The following NOVA2 variants were observed in gnomAD, a reference collection of about 807,000 sequenced individuals.
NOVA2 encodes NOVA alternative splicing regulator 2.
NOVA2 carries 9 observed loss-of-function variants against 22.5 expected under a neutral mutation model. The ratio of observed to expected loss-of-function variants is 0.40; its 90% CI spans 0.24 to 0.70. The LOEUF (loss-of-function observed/expected upper bound fraction) is 0.70. Ranked by LOEUF, NOVA2 falls within the 30% of genes least tolerant of loss-of-function variation. The pLI, the probability that NOVA2 is intolerant of heterozygous loss-of-function variation, is 0.38. For synonymous variants in NOVA2, 318 were observed against 335.2 expected, an observed-to-expected ratio of 0.95 and a Z score of 0.56; for missense variants, 383 against 682.8, an observed-to-expected ratio of 0.56 and a Z score of 4.89.
At chr19:45,955,996 G>A (rs145489883) in intron 2 of NOVA2, among the ~76,000 whole-genome samples, 7 of 152,348 alleles carry the variant, frequency 4.6e-5, no homozygotes, top group Non-Finnish European at 1.0e-4. Context: ...GCACGCTGGT[G>A]ACACGACCCT....
Position 45,938,734 on chromosome 19 carries a change from C to T in NOVA2, c.*1129G>A, listed in dbSNP as rs1967694930. ...GGATCCAAGTCCCGTGCCTTATTCT[C>T]TTCCTAGGAAGACCCCCAGGCCAAC... On this transcript the variant is annotated 3_prime_UTR_variant, in exon 4 of 4. Transcript: ENST00000263257. 1 of 152,152 alleles carries T rather than the reference C, an allele frequency of 6.6e-6. No individual in the cohort carries two copies. The highest frequency in any genetic ancestry group is 2.1e-4 in the South Asian group (1 of 4,830). 9.4% of individuals were successfully genotyped at this position (152,152 alleles called of 1,614,324 possible).
intron 1 of NOVA2, among the ~76,000 whole-genome samples, chr19:45,972,575 G>A (rs1463227351): frequency 6.6e-6 from 1 of 152,012 alleles, no homozygotes; most frequent in South Asian, 2.1e-4. Flanking sequence ...CAAACATGGA[G>A]CCCAGCCCCT....
chr19:45,966,022 A>G (rs1453361378), intron 1 of NOVA2, among the ~76,000 whole-genome samples: 1 of 152,060 alleles, frequency 6.6e-6, no homozygotes, highest in African/African-American at 2.4e-5. Flanking sequence ...AGCACCCTAT[A>G]CGTGGGGTTT....
In NOVA2 at chr19:45,950,394, C is replaced by T. The variant is rs192360893; in HGVS notation, c.396+3386G>A. ...CACGCTGGTCTCGAACTCCTGACCT[C>T]AGGTGATCCACCCACCTCGGCCTTT... On this transcript the variant is annotated intron_variant, in intron 3 of 3. Transcript: ENST00000263257. 3.2e-3 allele frequency among the ~76,000 whole-genome samples: 490 copies of T among 152,258 alleles called. 4 individuals carry two copies. Among genetic ancestry groups the T allele is most frequent in the African/African-American group, 0.011 (467 of 41,540 alleles).
intron 3 of NOVA2, among the ~76,000 whole-genome samples, chr19:45,951,413 T>C (rs747542110): frequency 1.6e-4 from 25 of 152,088 alleles, no homozygotes; most frequent in Non-Finnish European, 2.2e-4. Flanking sequence ...GGTCAGGAAT[T>C]CGAGACTGGC....
intron 2 of NOVA2, 69 bp from the exon 3 acceptor site, chr19:45,954,015 C>G: frequency 6.5e-7 from 1 of 1,539,514 alleles, no homozygotes; most frequent in East Asian, 2.3e-5. Context: ...GAGACAGGCC[C>G]CATTTAATGG....
intron 1 of NOVA2, among the ~76,000 whole-genome samples, chr19:45,972,616 G>A (rs1300467767): frequency 6.6e-6 from 1 of 151,950 alleles, no homozygotes; most frequent in African/African-American, 2.4e-5. Context: ...ACCCCCCTAT[G>A]CTGTCATATT....
intron 2 of NOVA2, among the ~76,000 whole-genome samples, chr19:45,955,805 C>A (rs1350372585): frequency 1.3e-5 from 2 of 151,958 alleles, no homozygotes; most frequent in Non-Finnish European, 2.9e-5. Context: ...TTGCAGTGAG[C>A]CGAGATCATG....
chr19:45,956,390 G>A (rs1327127556), intron 2 of NOVA2, among the ~76,000 whole-genome samples: 2 of 152,180 alleles, frequency 1.3e-5, no homozygotes, highest in Non-Finnish European at 2.9e-5. Flanking sequence ...GGGCTTTTGG[G>A]GAGGTTGGTT....
At chr19:45,949,839 C>G (rs752679554) in intron 3 of NOVA2, among the ~76,000 whole-genome samples, 46 of 149,446 alleles carry the variant, frequency 3.1e-4, no homozygotes, top group Non-Finnish European at 5.6e-4. Context: ...CTCTCAGGTT[C>G]AAGTGATTCT....
intron 1 of NOVA2, among the ~76,000 whole-genome samples, chr19:45,969,603 G>A (rs1352645310): frequency 3.3e-5 from 5 of 150,106 alleles, no homozygotes; most frequent in Non-Finnish European, 7.4e-5. Flanking sequence ...ATGTATGTAT[G>A]TCTGTATATG....
At position 45,940,989 on chromosome 19, in the gene NOVA2, A is replaced by T. The variant is rs570758005; in HGVS notation, c.397-44T>A. 3,849 of 1,509,496 alleles carry T rather than the reference A, an allele frequency of 2.5e-3. 24 individuals carry two copies. Among genetic ancestry groups the T allele is most frequent in the African/African-American group, 9.1e-3 (639 of 70,308 alleles). 93.5% of individuals were successfully genotyped at this position (1,509,496 alleles called of 1,614,324 possible). A position where few individuals can be genotyped will look rare whatever the true frequency, so the allele number is the denominator to read the frequency against. On this transcript the variant is annotated intron_variant, in intron 3 of 3. Coordinates refer to ENST00000263257, the MANE Select transcript of NOVA2 (RefSeq NM_002516.4). ...GGAGGGTCTTTAATTTTATTTTTTT[A>T]AAAAATTAAATTAAATTAGGCTGGG...
At chr19:45,965,445 A>G (rs6509245) in intron 1 of NOVA2, among the ~76,000 whole-genome samples, 119,436 of 152,186 alleles carry the variant, frequency 0.78, 47,129 homozygotes, top group East Asian at 0.86. Context: ...AGTGACGTTT[A>G]TGGTCGAGCG....
intron 1 of NOVA2, among the ~76,000 whole-genome samples, chr19:45,972,960 CCCT>C (rs1243596968): frequency 6.6e-6 from 1 of 151,970 alleles, no homozygotes; most frequent in African/African-American, 2.4e-5. Context: ...CATCACACAC[CCCT>C]CAAGGACACA....
In NOVA2 at chr19:45,935,500, T is replaced by C. The variant is rs1967642524; in HGVS notation, c.*4363A>G. 6.6e-6 allele frequency: 1 copy of C among 152,172 alleles called. No individual in the cohort carries two copies. The highest frequency in any genetic ancestry group is 2.4e-5 in the African/African-American group (1 of 41,422). 9.4% of individuals were successfully genotyped at this position (152,172 alleles called of 1,614,324 possible). On this transcript the variant is annotated 3_prime_UTR_variant, in exon 4 of 4. Coordinates refer to ENST00000263257, the MANE Select transcript of NOVA2 (RefSeq NM_002516.4). ...GGGTATCGCGATCCCGTTCTCCCCA[T>C]CGTGACATCCAGTCCAGGCTTTCAG...
chr19:45,947,505 G>A (rs554723483), intron 3 of NOVA2, among the ~76,000 whole-genome samples: 33 of 149,166 alleles, frequency 2.2e-4, no homozygotes, highest in African/African-American at 6.9e-4. Context: ...ACGGAGTTTC[G>A]CTCTTTTGCC....
rs1328573940 is a variant in NOVA2 at position 45,938,810 on chromosome 19, T to C, written c.*1053A>G. 6.6e-6 allele frequency: 1 copy of C among 152,228 alleles called. No homozygotes were observed. Among genetic ancestry groups the C allele is most frequent in the East Asian group, 1.9e-4 (1 of 5,194 alleles). 9.4% of individuals were successfully genotyped at this position (152,228 alleles called of 1,614,324 possible). A position where few individuals can be genotyped will look rare whatever the true frequency, so the allele number is the denominator to read the frequency against. On this transcript the variant is annotated 3_prime_UTR_variant, in exon 4 of 4. Transcript: ENST00000263257. ...AGAAGGCAGGTCAGAGACTGGTCAC[T>C]GTCCAATACAGGAAGTACATGCTTC...
At chr19:45,946,599 C>T (rs556639781) in intron 3 of NOVA2, among the ~76,000 whole-genome samples, 2 of 152,264 alleles carry the variant, frequency 1.3e-5, no homozygotes, top group South Asian at 2.1e-4. Flanking sequence ...GTCAGCCAGG[C>T]ACGGTGGCTC....
intron 3 of NOVA2, among the ~76,000 whole-genome samples, chr19:45,947,337 A>T (rs1967856109): frequency 6.6e-6 from 1 of 152,056 alleles, no homozygotes; most frequent in South Asian, 2.1e-4. Flanking sequence ...GAATGGGTGG[A>T]GGCAGCAGGT....
Sources: gnomAD v4.1 joint callset for allele counts (sites outside exome capture counted in the v4.1 genomes callset) on GRCh38, gnomAD v4.1.1 for gene constraint, MANE v1.5 for transcripts, NCBI Gene and HGNC (gene_info 2026-07-23, HGNC 2026-07-21) for gene names.